The following ADAM22 variants were observed in gnomAD, a reference collection of about 807,000 sequenced individuals.
ADAM22 encodes the protein ADAM metallopeptidase domain 22.
Under a neutral mutation model 144.6 loss-of-function variants are expected in ADAM22, and 65 were observed. That is an observed-to-expected ratio of 0.45 (90% CI 0.37 to 0.55). ADAM22 has a LOEUF of 0.55. Ranked by LOEUF, ADAM22 falls within the 20% of genes least tolerant of loss-of-function variation. The pLI is 0.00. For synonymous variants in ADAM22, 391 were observed against 412.6 expected (o/e 0.95, Z 0.63); for missense variants, 974 against 1,184.9 (o/e 0.82, Z 2.61).
chr7:87,955,786 C>T (rs981925956), intron 2 of ADAM22, among the ~76,000 whole-genome samples: 4 of 152,162 alleles, frequency 2.6e-5, no homozygotes, highest in African/African-American at 9.7e-5. Flanking sequence ...CCACCCAGTT[C>T]GAGCTTCCTG....
At chr7:88,116,168 AT>A (rs1028144894) in intron 6 of ADAM22, among the ~76,000 whole-genome samples, 52 of 147,760 alleles carry the variant, frequency 3.5e-4, no homozygotes, top group South Asian at 6.5e-4. Flanking sequence ...TGACATTCTA[AT>A]TTTTTTTTTT....
chr7:88,077,242 A>C (rs1414056905), intron 4 of ADAM22, among the ~76,000 whole-genome samples: 1 of 152,220 alleles, frequency 6.6e-6, no homozygotes, highest in Non-Finnish European at 1.5e-5. Context: ...TGTCCTATTC[A>C]AATGACATTC....
At chr7:87,983,431 T>C (rs1854203977) in intron 3 of ADAM22, among the ~76,000 whole-genome samples, 1 of 152,136 alleles carries the variant, frequency 6.6e-6, no homozygotes, top group South Asian at 2.1e-4. Flanking sequence ...GTTGCTACTG[T>C]GGGTGTAATA....
At chr7:88,139,308 C>A (rs1438879472) in intron 14 of ADAM22, among the ~76,000 whole-genome samples, 1 of 152,020 alleles carries the variant, frequency 6.6e-6, no homozygotes, top group Non-Finnish European at 1.5e-5. Flanking sequence ...ATCCCAGCTA[C>A]TAAGGAGGCT....
intron 22 of ADAM22, among the ~76,000 whole-genome samples, chr7:88,162,038 A>G (rs972101970): frequency 1.1e-4 from 17 of 151,492 alleles, no homozygotes; most frequent in African/African-American, 3.9e-4. Context: ...CACAGTCTCA[A>G]AGACATGGAA....
At chr7:87,997,750 T>C (rs1195723171) in intron 3 of ADAM22, among the ~76,000 whole-genome samples, 3 of 152,246 alleles carry the variant, frequency 2.0e-5, no homozygotes, top group Admixed American at 6.5e-5. Flanking sequence ...TCTGCTCTTA[T>C]TCCACCATAT....
At chr7:88,044,262 G>T (rs550850951) in intron 3 of ADAM22, among the ~76,000 whole-genome samples, 1 of 152,188 alleles carries the variant, frequency 6.6e-6, no homozygotes, top group African/African-American at 2.4e-5. Flanking sequence ...TTCCCTTTTG[G>T]ATAATAGATT....
chr7:88,140,716 G>C (rs1563307816), intron 14 of ADAM22, among the ~76,000 whole-genome samples: 1 of 152,024 alleles, frequency 6.6e-6, no homozygotes, highest in Non-Finnish European at 1.5e-5. Context: ...CATGCCTGTA[G>C]TCCCAGCTAC....
At position 88,153,265 on chromosome 7, in the gene ADAM22, G is replaced by C; in HGVS notation, c.1726G>C (p.Glu576Gln). ...DKYCYEKLNI[E>Q]GTEKGNCGKD... ...ATATTGCTATGAGAAACTGAATATTGAAGGGACGGAGAAGGGTAACTGTGG... is the reference window on the plus strand; with the variant it reads ...ATATTGCTATGAGAAACTGAATATTCAAGGGACGGAGAAGGGTAACTGTGG... The change falls in exon 21 of 32, where the codon GAA becomes CAA. Residue 576 changes from glutamate to glutamine, a missense_variant. Around this residue, in one of 2 missense-constraint regions of ADAM22, gnomAD observed 734 missense variants for 950.6 expected, o/e 0.77. Transcript: ENST00000413139. 6.2e-7 allele frequency: 1 copy of C among 1,613,486 alleles called. No homozygotes were observed. Among genetic ancestry groups the C allele is most frequent in the Middle Eastern group, 1.7e-4 (1 of 6,058 alleles).
At chr7:88,092,710 G>A (rs1009182710) in intron 4 of ADAM22, among the ~76,000 whole-genome samples, 1 of 152,202 alleles carries the variant, frequency 6.6e-6, no homozygotes, top group Non-Finnish European at 1.5e-5. Context: ...GTTGCTCTAG[G>A]TCCATCATCA....
At chr7:88,182,335 C>G (rs1262230161) in intron 29 of ADAM22, among the ~76,000 whole-genome samples, 1 of 152,112 alleles carries the variant, frequency 6.6e-6, no homozygotes, top group Admixed American at 6.6e-5. Flanking sequence ...TTCTTCTCAT[C>G]ATCTGGGATT....
chr7:88,035,862 G>T (rs550872368), intron 3 of ADAM22, among the ~76,000 whole-genome samples: 2 of 152,312 alleles, frequency 1.3e-5, no homozygotes, highest in East Asian at 3.9e-4. Flanking sequence ...TACCAAATTA[G>T]TAACTAGAGT....
chr7:88,041,503 C>G (rs1285815803), intron 3 of ADAM22, among the ~76,000 whole-genome samples: 2 of 151,820 alleles, frequency 1.3e-5, no homozygotes, highest in East Asian at 3.8e-4. Context: ...TCATCTATAT[C>G]TATACATTCA....
At chr7:88,188,256 G>A (rs1020968962) in intron 30 of ADAM22, among the ~76,000 whole-genome samples, 4 of 152,096 alleles carry the variant, frequency 2.6e-5, no homozygotes, top group African/African-American at 7.2e-5. Context: ...ATGGTACCCC[G>A]GAAGAGTTGA....
intron 29 of ADAM22, chr7:88,185,770 G>A (rs577242185): frequency 3.3e-4 from 50 of 152,228 alleles, no homozygotes; most frequent in African/African-American, 1.2e-3. Context: ...TAATTCTGAT[G>A]GAAACATTGC....
intron 2 of ADAM22, among the ~76,000 whole-genome samples, chr7:87,948,555 A>G (rs1844267006): frequency 6.6e-6 from 1 of 152,112 alleles, no homozygotes; most frequent in African/African-American, 2.4e-5. Flanking sequence ...TTTAAATTAT[A>G]TGCTTAGTTT....
chr7:87,937,802 T>A (rs1396930963), intron 2 of ADAM22, among the ~76,000 whole-genome samples: 1 of 152,222 alleles, frequency 6.6e-6, no homozygotes, highest in Non-Finnish European at 1.5e-5. Context: ...TATGAATAGA[T>A]GATTAATTCA....
At chr7:87,965,595 T>C (rs758296995) in intron 2 of ADAM22, among the ~76,000 whole-genome samples, 4 of 152,234 alleles carry the variant, frequency 2.6e-5, no homozygotes, top group Non-Finnish European at 5.9e-5. Context: ...TTGTACAACA[T>C]TATTTCCTAT....
At chr7:88,027,290 G>T (rs1799218607) in intron 3 of ADAM22, among the ~76,000 whole-genome samples, 1 of 152,172 alleles carries the variant, frequency 6.6e-6, no homozygotes, top group Admixed American at 6.5e-5. Context: ...ATTTGGAATA[G>T]TTTCCGTAAG....
Sources: allele counts gnomAD v4.1 joint callset (sites outside exome capture counted in the v4.1 genomes callset), GRCh38; gene constraint gnomAD v4.1.1; regional missense constraint gnomAD v4.1.1; transcripts MANE v1.5; gene names NCBI Gene and HGNC (gene_info 2026-07-23, HGNC 2026-07-21).